Variants in MBD5 observed in about 807,000 individuals in gnomAD.
MBD5 encodes the protein methyl-CpG-binding domain protein 5.
Under a neutral mutation model 117.3 loss-of-function variants are expected in MBD5, and 13 were observed. The ratio of observed to expected loss-of-function variants is 0.11; its 90% CI spans 0.07 to 0.18. The LOEUF is 0.18. Among genes scored for constraint, MBD5 ranks in the 10% least tolerant of loss-of-function variants. The pLI, the probability that MBD5 is intolerant of heterozygous loss-of-function variation, is 1.00. For synonymous variants in MBD5, 727 were observed against 766.4 expected (o/e 0.95, Z 0.85); for missense variants, 1,879 against 2,093.8 (o/e 0.90, Z 2.00).
At chr2:148,406,775 C>T (rs953433793) in intron 4 of MBD5, among the ~76,000 whole-genome samples, 5 of 152,122 alleles carry the variant, frequency 3.3e-5, no homozygotes, top group South Asian at 4.1e-4. Context: ...CGTAGTTTTT[C>T]GCATCCTGTT....
intron 1 of MBD5, among the ~76,000 whole-genome samples, chr2:148,060,571 T>A (rs1695009465): frequency 6.6e-6 from 1 of 152,224 alleles, no homozygotes. Flanking sequence ...GTGACATTTT[T>A]AAACTTGAAA....
intron 3 of MBD5, among the ~76,000 whole-genome samples, chr2:148,306,566 T>G (rs1032062164): frequency 7.2e-5 from 11 of 152,216 alleles, no homozygotes; most frequent in Non-Finnish European, 1.5e-4. Context: ...TTCGTTTTGT[T>G]TACAAAGACA....
At chr2:148,325,059 T>A (rs1196279633) in intron 3 of MBD5, among the ~76,000 whole-genome samples, 1 of 152,258 alleles carries the variant, frequency 6.6e-6, no homozygotes, top group African/African-American at 2.4e-5. Context: ...TGTTGAATTT[T>A]GTCACAGGCC....
At chr2:148,304,300 G>A (rs928120030) in intron 3 of MBD5, among the ~76,000 whole-genome samples, 2 of 152,104 alleles carry the variant, frequency 1.3e-5, no homozygotes, top group Admixed American at 6.5e-5. Context: ...GCACACAACA[G>A]TTAAGCAATT....
intron 3 of MBD5, among the ~76,000 whole-genome samples, chr2:148,250,640 C>T (rs1574194133): frequency 6.6e-6 from 1 of 152,098 alleles, no homozygotes. Context: ...TTTTCATTTC[C>T]GGACTTCATG....
rs1019565337 is a variant in MBD5 at position 148,513,474 on chromosome 2, A to G, written c.*533A>G. 1 of 158,964 alleles carries G rather than the reference A, an allele frequency of 6.3e-6. No homozygotes were observed. Among genetic ancestry groups the G allele is most frequent in the Non-Finnish European group, 1.4e-5 (1 of 71,582 alleles). 9.8% of individuals were successfully genotyped at this position (158,964 alleles called of 1,614,324 possible). On this transcript the variant is annotated 3_prime_UTR_variant, in exon 14 of 14. Coordinates refer to ENST00000642680, the MANE Select transcript of MBD5 (RefSeq NM_001378120.1). Reference sequence around the variant, plus strand: ...CCTAAATGCTTTTCTATGATAATGTAAAAGATGCTGTTTTTGTATTTAACA... The same window carrying G: ...CCTAAATGCTTTTCTATGATAATGTGAAAGATGCTGTTTTTGTATTTAACA...
intron 4 of MBD5, among the ~76,000 whole-genome samples, chr2:148,358,793 A>G (rs1703451366): frequency 6.6e-6 from 1 of 151,966 alleles, no homozygotes; most frequent in South Asian, 2.1e-4. Context: ...ACCTGTCTTA[A>G]AAAAATTAAA....
chr2:148,130,049 A>G (rs1314113382), intron 1 of MBD5, among the ~76,000 whole-genome samples: 1 of 152,226 alleles, frequency 6.6e-6, no homozygotes, highest in African/African-American at 2.4e-5. Flanking sequence ...GCAGACATTT[A>G]GCTGACCTCT....
intron 4 of MBD5, among the ~76,000 whole-genome samples, chr2:148,419,581 T>A (rs62184001): frequency 0.042 from 6,396 of 152,210 alleles, 166 homozygotes; most frequent in Non-Finnish European, 0.055. Flanking sequence ...CATAACTAAA[T>A]CTGTATATTA....
At chr2:148,219,343 C>A (rs572201997) in intron 2 of MBD5, among the ~76,000 whole-genome samples, 1 of 152,180 alleles carries the variant, frequency 6.6e-6, no homozygotes, top group East Asian at 1.9e-4. Context: ...TGGAGTACCT[C>A]CTGGAGGACC....
At chr2:148,271,360 C>T (rs1330118251) in intron 3 of MBD5, among the ~76,000 whole-genome samples, 2 of 152,106 alleles carry the variant, frequency 1.3e-5, no homozygotes, top group Non-Finnish European at 2.9e-5. Context: ...AGGTTAGGTA[C>T]ATCTGTTATA....
rs548358945 is a variant in MBD5 at position 148,040,832 on chromosome 2, A to G, written c.-925+19148A>G. On this transcript the variant is annotated intron_variant, in intron 1 of 13. Coordinates refer to ENST00000642680, the MANE Select transcript of MBD5 (RefSeq NM_001378120.1). ...AAAATCATGTAGGACCAGGCCCTAA[A>G]TTTTAAATCAAAATCTTTGAGGGTG... Among the ~76,000 whole-genome samples the G allele has an allele frequency of 5.9e-5, 9 of 152,228 alleles. No homozygotes were observed. The South Asian group carries it at 1.7e-3, about 28-fold the overall frequency.
chr2:148,405,833 T>A (rs901105734), intron 4 of MBD5, among the ~76,000 whole-genome samples: 3 of 152,138 alleles, frequency 2.0e-5, no homozygotes, highest in African/African-American at 7.2e-5. Flanking sequence ...TAACAGTTGC[T>A]GGTAGCTGGG....
chr2:148,057,600 T>C (rs1005104640), intron 1 of MBD5, among the ~76,000 whole-genome samples: 1 of 151,894 alleles, frequency 6.6e-6, no homozygotes, highest in African/African-American at 2.4e-5. Context: ...ACTTAATTAG[T>C]AGAAAGATTA....
chr2:148,314,185 G>C (rs1415887070), intron 3 of MBD5, among the ~76,000 whole-genome samples: 1 of 151,730 alleles, frequency 6.6e-6, no homozygotes, highest in Non-Finnish European at 1.5e-5. Flanking sequence ...GTCTGTCATA[G>C]ATCAGCATTT....
At chr2:148,062,593 G>A (rs1169284058) in intron 1 of MBD5, 1 of 151,904 alleles carries the variant, frequency 6.6e-6, no homozygotes, top group Admixed American at 6.5e-5. Context: ...TTTGGCATAT[G>A]TGTGATTACT....
chr2:148,511,792 T>C (rs1475741042), intron 13 of MBD5, among the ~76,000 whole-genome samples: 1 of 152,202 alleles, frequency 6.6e-6, no homozygotes, highest in East Asian at 1.9e-4. Context: ...AATAGGCAGA[T>C]TGAAAAACCC....
rs1408901723 is a variant in MBD5 at position 148,509,951 on chromosome 2, A to C, written c.5037-109A>C. 134 of 807,074 alleles carry C rather than the reference A, an allele frequency of 1.7e-4. 2 individuals are homozygous for C. The highest frequency in any genetic ancestry group is 2.1e-5 in the Non-Finnish European group (10 of 470,116). The allele number at this position is 807,074 out of a possible 1,614,324, so 50.0% of individuals were successfully genotyped here. ...TCTGAATTTTCCAAACGCGAGTATA[A>C]ATTGGCTTTCTCTCGTGGAATTGGT... On this transcript the variant is annotated intron_variant, in intron 12 of 13. Transcript: ENST00000642680.
At chr2:148,067,626 A>G (rs1384358380) in intron 1 of MBD5, among the ~76,000 whole-genome samples, 2 of 152,218 alleles carry the variant, frequency 1.3e-5, no homozygotes, top group Non-Finnish European at 2.9e-5. Flanking sequence ...GCAAGTAGAA[A>G]TAAGATGTTG....
Sources: allele counts gnomAD v4.1 joint callset (sites outside exome capture counted in the v4.1 genomes callset), GRCh38; gene constraint gnomAD v4.1.1; transcripts MANE v1.5; gene names NCBI Gene and HGNC (gene_info 2026-07-23, HGNC 2026-07-21).